Variants in ARB2A observed in about 807,000 individuals in gnomAD.
The protein encoded by ARB2A is cotranscriptional regulator ARB2A.
At chr5:93,707,576 C>CTT in the ARB2A span, among the ~76,000 whole-genome samples, 19 of 138,044 alleles carry the variant, frequency 1.4e-4, no homozygotes, top group East Asian at 2.1e-4. Flanking sequence ...TTTTTTCTTT[C>CTT]TTTTTTTTTT....
At chr5:93,682,771 G>C in the ARB2A span, 1 of 840,244 alleles carries the variant, frequency 1.2e-6, no homozygotes, top group South Asian at 1.3e-5. Context: ...AGGACAGCCA[G>C]ATATCAACTG....
At chr5:93,653,497 G>A in the ARB2A span, among the ~76,000 whole-genome samples, 1 of 81,458 alleles carries the variant, frequency 1.2e-5, no homozygotes, top group East Asian at 3.7e-4. Flanking sequence ...GGGCGAAAAA[G>A]CGAGACTCCG....
the ARB2A span, chr5:93,619,153 T>C: frequency 6.6e-6 from 1 of 152,206 alleles, no homozygotes; most frequent in African/African-American, 2.4e-5. Flanking sequence ...TTTTACACAG[T>C]TCACCACTAC....
chr5:93,979,110 A>T, the ARB2A span, among the ~76,000 whole-genome samples: 2 of 152,170 alleles, frequency 1.3e-5, no homozygotes, highest in African/African-American at 4.8e-5. Context: ...AAGTATCACA[A>T]GTACCCCATA....
chr5:94,100,485 C>T, the ARB2A span, among the ~76,000 whole-genome samples: 35 of 151,902 alleles, frequency 2.3e-4, no homozygotes, highest in East Asian at 1.9e-4. Context: ...GCCAACACAA[C>T]GCTAAGCAAA....
the ARB2A span, among the ~76,000 whole-genome samples, chr5:93,764,661 T>C: frequency 6.6e-6 from 1 of 152,056 alleles, no homozygotes; most frequent in African/African-American, 2.4e-5. Flanking sequence ...TTCCTATCAA[T>C]AGAAAAAGAG....
chr5:93,740,742 T>A, the ARB2A span: 1 of 1,612,622 alleles, frequency 6.2e-7, no homozygotes, highest in Non-Finnish European at 8.5e-7. Flanking sequence ...CAATCTCCCG[T>A]GGGGAAGCAT....
the ARB2A span, among the ~76,000 whole-genome samples, chr5:93,971,485 T>C: frequency 6.6e-6 from 1 of 151,676 alleles, no homozygotes; most frequent in Non-Finnish European, 1.5e-5. Context: ...GAGAATCACT[T>C]GAACCTGGGA....
the ARB2A span, among the ~76,000 whole-genome samples, chr5:93,772,303 T>C: frequency 6.6e-6 from 1 of 152,080 alleles, no homozygotes; most frequent in East Asian, 1.9e-4. Context: ...CTGGGGACTG[T>C]TGTGGGGTGG....
At chr5:93,977,456 TAA>T in the ARB2A span, among the ~76,000 whole-genome samples, 3 of 151,914 alleles carry the variant, frequency 2.0e-5, no homozygotes, top group Non-Finnish European at 4.4e-5. Context: ...CCCCCTGAAA[TAA>T]AGTCACACAC....
chr5:93,904,358 T>A, the ARB2A span, among the ~76,000 whole-genome samples: 1 of 151,834 alleles, frequency 6.6e-6, no homozygotes, highest in Non-Finnish European at 1.5e-5. Flanking sequence ...TAGAAAAAAG[T>A]TAAAAGTTAT....
chr5:93,830,311 G>GTGTATGTGTGTGTGTGTATA, the ARB2A span, among the ~76,000 whole-genome samples: 1 of 82,260 alleles, frequency 1.2e-5, no homozygotes, highest in Non-Finnish European at 2.4e-5. Flanking sequence ...GTGTGTGTGT[G>GTGTATGTGTGTGTGTGTATA]TATATATATA....
At chr5:93,716,708 A>T in the ARB2A span, among the ~76,000 whole-genome samples, 1 of 151,730 alleles carries the variant, frequency 6.6e-6, no homozygotes, top group African/African-American at 2.4e-5. Flanking sequence ...AAAAAAAAAA[A>T]AAAAAAAAAA....
At chr5:94,020,102 T>C in the ARB2A span, among the ~76,000 whole-genome samples, 1 of 152,214 alleles carries the variant, frequency 6.6e-6, no homozygotes, top group Non-Finnish European at 1.5e-5. Context: ...GATGAGTTCA[T>C]GTCCTTTGCA....
the ARB2A span, among the ~76,000 whole-genome samples, chr5:93,983,170 G>GGTGT: frequency 2.4e-3 from 307 of 125,506 alleles, 2 homozygotes; most frequent in African/African-American, 8.2e-3. Context: ...GCTGTGGAGA[G>GGTGT]GTGTGTGTGT....
the ARB2A span, among the ~76,000 whole-genome samples, chr5:93,769,902 C>T: frequency 2.0e-5 from 3 of 152,254 alleles, no homozygotes; most frequent in East Asian, 5.8e-4. Context: ...AAAAGTTACA[C>T]TCAGTAGCAA....
At chr5:93,894,475 GCT>G in the ARB2A span, among the ~76,000 whole-genome samples, 1 of 152,074 alleles carries the variant, frequency 6.6e-6, no homozygotes, top group South Asian at 2.1e-4. Context: ...ATGTCTCTCA[GCT>G]TCTCTGTACA....
the ARB2A span, among the ~76,000 whole-genome samples, chr5:93,711,243 C>T: frequency 6.7e-6 from 1 of 150,232 alleles, no homozygotes; most frequent in Non-Finnish European, 1.5e-5. Flanking sequence ...CTCCCCCCAC[C>T]CCATTTCACA....
chr5:93,714,761 C>T, the ARB2A span, among the ~76,000 whole-genome samples: 4 of 152,122 alleles, frequency 2.6e-5, no homozygotes, highest in African/African-American at 9.7e-5. Context: ...GTCTCCTGGT[C>T]ACCTGCAACT....
Sources: gnomAD v4.1 joint callset for allele counts (sites outside exome capture counted in the v4.1 genomes callset) on GRCh38, gnomAD v4.1.1 for gene constraint, MANE v1.5 for transcripts, NCBI Gene and HGNC (gene_info 2026-07-23, HGNC 2026-07-21) for gene names.